LRRTM4: variants seen among roughly 807,000 people sequenced by gnomAD.
The protein encoded by LRRTM4 is leucine-rich repeat transmembrane neuronal protein 4.
LRRTM4 carries 25 observed loss-of-function variants against 47.6 expected under a neutral mutation model. That is an observed-to-expected ratio of 0.53 (90% CI 0.38 to 0.73). The LOEUF is 0.73. Ranked by LOEUF, LRRTM4 falls within the 30% of genes least tolerant of loss-of-function variation. The pLI is 0.00. For missense variants in LRRTM4, 638 were observed against 713.4 expected (o/e 0.89, Z 1.20); for synonymous variants, 311 against 269.5 (o/e 1.15, Z -1.51).
At chr2:77,174,566 A>T (rs933351544) in intron 3 of LRRTM4, among the ~76,000 whole-genome samples, 10 of 151,960 alleles carry the variant, frequency 6.6e-5, no homozygotes, top group Non-Finnish European at 1.3e-4. Context: ...TCACCAAGAA[A>T]TTTTTCTCCT....
chr2:77,196,208 G>T (rs920449033), intron 3 of LRRTM4, among the ~76,000 whole-genome samples: 4 of 152,062 alleles, frequency 2.6e-5, no homozygotes, highest in African/African-American at 9.7e-5. Context: ...CACAATAATT[G>T]TACAAATTCA....
At chr2:77,153,765 A>G (rs1672488521) in intron 3 of LRRTM4, among the ~76,000 whole-genome samples, 1 of 152,184 alleles carries the variant, frequency 6.6e-6, no homozygotes, top group South Asian at 2.1e-4. Flanking sequence ...GTCAACTCAT[A>G]TATATACATC....
In LRRTM4 at chr2:77,341,859, A is replaced by C. The variant is rs78994065; in HGVS notation, c.1551+176459T>G. The stretch of plus-strand genomic sequence containing the variant: ...TTTGTAAAAACAAAACTGTGTGACC[A>C]GTTTCACTTGGAAAGGTCCCTGTAA... On this transcript the variant is annotated intron_variant, in intron 3 of 3. Coordinates refer to ENST00000409884, the MANE Select transcript of LRRTM4 (RefSeq NM_001134745.3). 2.1e-3 allele frequency among the ~76,000 whole-genome samples: 325 copies of C among 152,106 alleles called. 1 individual carries two copies. Among genetic ancestry groups the C allele is most frequent in the African/African-American group, 7.4e-3 (306 of 41,552 alleles).
At chr2:77,222,089 C>A (rs888815073) in intron 3 of LRRTM4, among the ~76,000 whole-genome samples, 10 of 152,118 alleles carry the variant, frequency 6.6e-5, no homozygotes, top group African/African-American at 2.4e-4. Flanking sequence ...AACAGAACAA[C>A]CTGCTCCTGA....
At chr2:77,474,275 AACAAAAG>A (rs1461308808) in intron 3 of LRRTM4, among the ~76,000 whole-genome samples, 3 of 152,098 alleles carry the variant, frequency 2.0e-5, no homozygotes, top group African/African-American at 7.2e-5. Context: ...GATAGAAAAA[AACAAAAG>A]ACATTCAGTA....
chr2:77,215,868 A>G, intron 3 of LRRTM4, among the ~76,000 whole-genome samples: 1 of 152,214 alleles, frequency 6.6e-6, no homozygotes, highest in Admixed American at 6.5e-5. Flanking sequence ...GAAGTCTGTA[A>G]TAATGAGTAT....
At chr2:76,925,319 A>G (rs771760085) in intron 3 of LRRTM4, among the ~76,000 whole-genome samples, 1 of 152,104 alleles carries the variant, frequency 6.6e-6, no homozygotes, top group African/African-American at 2.4e-5. Context: ...CAATCCTTCA[A>G]CCTTCAAAGT....
intron 3 of LRRTM4, among the ~76,000 whole-genome samples, chr2:77,426,386 A>G (rs1203734397): frequency 1.3e-5 from 2 of 152,152 alleles, no homozygotes; most frequent in Non-Finnish European, 2.9e-5. Flanking sequence ...CTATAATTCC[A>G]TCACATTGAT....
intron 3 of LRRTM4, among the ~76,000 whole-genome samples, chr2:77,337,012 T>C (rs1671191865): frequency 6.6e-6 from 1 of 152,146 alleles, no homozygotes; most frequent in South Asian, 2.1e-4. Flanking sequence ...GACAAACAAC[T>C]TCAGCAAAGT....
At chr2:77,034,692 GGTCGGGCT>G (rs1678776076) in intron 3 of LRRTM4, among the ~76,000 whole-genome samples, 1 of 151,818 alleles carries the variant, frequency 6.6e-6, no homozygotes, top group South Asian at 2.1e-4. Flanking sequence ...TGATCACTTT[GGTCGGGCT>G]GTAGATGTTT....
chr2:77,025,727 T>G (rs115844716), intron 3 of LRRTM4, among the ~76,000 whole-genome samples: 4,807 of 152,272 alleles, frequency 0.032, 104 homozygotes, highest in Middle Eastern at 0.051. Flanking sequence ...ACTGTTGGCT[T>G]AGAGAGAAGC....
chr2:76,945,678 T>A (rs961971254), intron 3 of LRRTM4, among the ~76,000 whole-genome samples: 3 of 151,910 alleles, frequency 2.0e-5, no homozygotes, highest in African/African-American at 7.2e-5. Context: ...CAATGAAACA[T>A]TAACTAGTCT....
intron 3 of LRRTM4, among the ~76,000 whole-genome samples, chr2:77,237,624 C>T (rs568324367): frequency 2.8e-4 from 43 of 151,804 alleles, no homozygotes; most frequent in African/African-American, 1.0e-3. Flanking sequence ...GGGGTGTTTA[C>T]ACCCACATAT....
chr2:77,352,498 G>A (rs552282983), intron 3 of LRRTM4, among the ~76,000 whole-genome samples: 2 of 152,208 alleles, frequency 1.3e-5, no homozygotes, highest in Admixed American at 6.5e-5. Flanking sequence ...CTTATTTAAA[G>A]TACTCACTAT....
At chr2:76,780,657 C>T (rs1008317385) in intron 3 of LRRTM4, among the ~76,000 whole-genome samples, 1 of 152,118 alleles carries the variant, frequency 6.6e-6, no homozygotes, top group South Asian at 2.1e-4. Flanking sequence ...GTAATACATT[C>T]TTCTAAATTT....
chr2:76,951,711 C>G (rs978040774), intron 3 of LRRTM4, among the ~76,000 whole-genome samples: 2 of 151,860 alleles, frequency 1.3e-5, no homozygotes, highest in Non-Finnish European at 1.5e-5. Flanking sequence ...GTTTGCTGCA[C>G]CTATCAACCC....
intron 3 of LRRTM4, among the ~76,000 whole-genome samples, chr2:76,952,071 C>CA (rs1476886755): frequency 6.6e-6 from 1 of 151,886 alleles, no homozygotes; most frequent in African/African-American, 2.4e-5. Flanking sequence ...CTATTGTCAA[C>CA]AGTGCAGCAA....
intron 3 of LRRTM4, among the ~76,000 whole-genome samples, chr2:76,828,670 T>C (rs1671251721): frequency 6.6e-6 from 1 of 151,964 alleles, no homozygotes; most frequent in South Asian, 2.1e-4. Context: ...GATCTTTGTT[T>C]CTTTACTTGA....
chr2:77,254,961 AAAT>A (rs1330708891), intron 3 of LRRTM4, among the ~76,000 whole-genome samples: 2 of 151,868 alleles, frequency 1.3e-5, no homozygotes, highest in Non-Finnish European at 2.9e-5. Flanking sequence ...CATTAAACGT[AAAT>A]AATCTAAATA....
Sources: allele counts gnomAD v4.1 joint callset (sites outside exome capture counted in the v4.1 genomes callset), GRCh38; gene constraint gnomAD v4.1.1; transcripts MANE v1.5; gene names NCBI Gene and HGNC (gene_info 2026-07-23, HGNC 2026-07-21).